Variants in DPP6 observed in about 807,000 individuals in gnomAD.
The protein encoded by DPP6 is dipeptidyl peptidase like 6.
A neutral mutation model predicts 122.6 loss-of-function variants in DPP6; 69 were observed. That is an observed-to-expected ratio of 0.56 (90% confidence interval 0.46 to 0.69). DPP6 has a LOEUF of 0.69. Among genes scored for constraint, DPP6 ranks in the 30% least tolerant of loss-of-function variants. The pLI is 0.00. For synonymous variants in DPP6, 418 were observed against 433.1 expected (o/e 0.97, Z 0.43); for missense variants, 928 against 1,116.9 (o/e 0.83, Z 2.41).
In DPP6 at chr7:154,877,712, G is replaced by C. The variant is rs962295014; in HGVS notation, c.2078+1612G>C. ...AGGAAAGTCTCCCCACAAGCAGACA[G>C]CAAACCTCTCCTTCCATCTCCCTGG... On this transcript the variant is annotated intron_variant, in intron 20 of 25. Coordinates refer to ENST00000377770, the MANE Select transcript of DPP6 (RefSeq NM_130797.4). The surrounding 1 kb of genome is among the most constrained non-coding windows in gnomAD (Gnocchi z 5.2). 1.3e-5 allele frequency among the ~76,000 whole-genome samples: 2 copies of C among 152,178 alleles called. No homozygotes were observed. Among genetic ancestry groups the C allele is most frequent in the East Asian group, 3.9e-4 (2 of 5,178 alleles).
intron 1 of DPP6, among the ~76,000 whole-genome samples, chr7:154,318,266 G>C (rs1398980855): frequency 6.6e-6 from 1 of 152,220 alleles, no homozygotes; most frequent in Non-Finnish European, 1.5e-5. Context: ...GTATATGAGA[G>C]TTGTTAATGA....
At chr7:153,994,203 G>A (rs1286673270) in intron 1 of DPP6, among the ~76,000 whole-genome samples, 5 of 151,508 alleles carry the variant, frequency 3.3e-5, no homozygotes, top group Non-Finnish European at 5.9e-5. Context: ...AGTCTCCAAA[G>A]AACAAAGCTA....
chr7:153,922,274 G>A (rs563577532), intron 1 of DPP6, among the ~76,000 whole-genome samples: 1 of 152,318 alleles, frequency 6.6e-6, no homozygotes, highest in Admixed American at 6.5e-5. Context: ...GCTGAGGCAG[G>A]CAGATTGCTT....
chr7:154,502,386 C>T (rs1020448063), intron 3 of DPP6, among the ~76,000 whole-genome samples: 1 of 152,154 alleles, frequency 6.6e-6, no homozygotes, highest in Non-Finnish European at 1.5e-5. Context: ...CAAATCTCAT[C>T]TTGAATTGTA....
chr7:153,944,045 G>A (rs750473304), intron 1 of DPP6, among the ~76,000 whole-genome samples: 1 of 152,148 alleles, frequency 6.6e-6, no homozygotes, highest in Non-Finnish European at 1.5e-5. Context: ...CATGGAAATC[G>A]GTCCAAGTAA....
At chr7:154,835,050 C>T (rs1015128295) in intron 16 of DPP6, among the ~76,000 whole-genome samples, 1 of 152,184 alleles carries the variant, frequency 6.6e-6, no homozygotes, top group African/African-American at 2.4e-5. Context: ...TCTGACATCA[C>T]CTTAGAGCAG....
the DPP6 span, among the ~76,000 whole-genome samples, chr7:153,827,570 G>A: frequency 6.6e-6 from 1 of 152,270 alleles, no homozygotes; most frequent in African/African-American, 2.4e-5. Context: ...CAAAACCCTA[G>A]TGTGTGCAAA....
At position 153,991,942 on chromosome 7, in the gene DPP6, T is replaced by C. The variant is rs571563225; in HGVS notation, c.51+104208T>C. ...ACAGAAATTTGTTTTCTCTCAGTCCTGGGGTCTGGAAAGTCTGAGGTCGAA... is the reference window on the plus strand; with the variant it reads ...ACAGAAATTTGTTTTCTCTCAGTCCCGGGGTCTGGAAAGTCTGAGGTCGAA... On this transcript the variant is annotated intron_variant, in intron 1 of 25. Coordinates refer to the DPP6 transcript ENST00000404039. 6.7e-3 allele frequency among the ~76,000 whole-genome samples: 1,026 copies of C among 152,076 alleles called. 9 individuals are homozygous for C. The highest frequency in any genetic ancestry group is 0.023 in the African/African-American group (960 of 41,468).
chr7:154,633,661 T>A (rs1025756420), intron 5 of DPP6, among the ~76,000 whole-genome samples: 2 of 152,378 alleles, frequency 1.3e-5, no homozygotes, highest in Non-Finnish European at 2.9e-5. Context: ...CCTTTCTAGA[T>A]AAAACATTGT....
chr7:154,198,572 C>T (rs1444013814), intron 1 of DPP6, among the ~76,000 whole-genome samples: 1 of 152,122 alleles, frequency 6.6e-6, no homozygotes, highest in Non-Finnish European at 1.5e-5. Flanking sequence ...CCTCGGCCAC[C>T]CAAAGTGCTG....
At chr7:154,219,174 G>A (rs1263674657) in intron 1 of DPP6, among the ~76,000 whole-genome samples, 2 of 152,176 alleles carry the variant, frequency 1.3e-5, no homozygotes, top group African/African-American at 4.8e-5. Context: ...TGAAGCCCTT[G>A]TCTGCCATCC....
intron 1 of DPP6, among the ~76,000 whole-genome samples, chr7:154,186,034 A>G (rs1798338228): frequency 1.3e-5 from 2 of 152,358 alleles, no homozygotes; most frequent in South Asian, 4.1e-4. Context: ...AAAACCAGCC[A>G]TATTTGGGTT....
chr7:153,853,010 C>G, the DPP6 span, among the ~76,000 whole-genome samples: 2 of 152,148 alleles, frequency 1.3e-5, no homozygotes, highest in Non-Finnish European at 2.9e-5. Flanking sequence ...CAACCCCAGC[C>G]ATTTGTACAC....
intron 7 of DPP6, among the ~76,000 whole-genome samples, chr7:154,672,990 G>A (rs953098023): frequency 2.0e-5 from 3 of 152,072 alleles, no homozygotes; most frequent in Non-Finnish European, 1.5e-5. Context: ...CCCTGTTTTA[G>A]GGGATCATAT....
At chr7:154,128,487 C>G (rs1169049189) in intron 1 of DPP6, among the ~76,000 whole-genome samples, 2 of 152,134 alleles carry the variant, frequency 1.3e-5, no homozygotes, top group Non-Finnish European at 2.9e-5. Context: ...CTGCAAGCTC[C>G]GCCTCCTGGG....
At chr7:154,836,222 G>A (rs991939239) in intron 16 of DPP6, among the ~76,000 whole-genome samples, 2 of 152,228 alleles carry the variant, frequency 1.3e-5, no homozygotes, top group African/African-American at 4.8e-5. Flanking sequence ...GCTTCACTTC[G>A]AAGATGCAGC....
At position 153,992,744 on chromosome 7, in the gene DPP6, A is replaced by G. The variant is rs141225724; in HGVS notation, c.51+105010A>G. Among the ~76,000 whole-genome samples the G allele has an allele frequency of 1.6e-4, 25 of 152,296 alleles. 1 individual carries two copies. In the East Asian group the frequency reaches 3.3e-3, roughly 20 times the overall value. ...TCCTCACCCTCTTCTCCTACATGCA[A>G]TTGACACTATGACTAAATGGGGTAC... On this transcript the variant is annotated intron_variant, in intron 1 of 25. Coordinates refer to the DPP6 transcript ENST00000404039.
chr7:154,213,784 G>A (rs1799857747), intron 1 of DPP6, among the ~76,000 whole-genome samples: 2 of 152,236 alleles, frequency 1.3e-5, no homozygotes, highest in Non-Finnish European at 2.9e-5. Context: ...AGCTGTGCCC[G>A]TCATGCGGTC....
At chr7:153,977,886 A>G (rs994086698) in intron 1 of DPP6, among the ~76,000 whole-genome samples, 2 of 152,012 alleles carry the variant, frequency 1.3e-5, no homozygotes, top group African/African-American at 4.8e-5. Context: ...ACACGAACTC[A>G]TTCTTTTTAT....
Sources: allele counts gnomAD v4.1 joint callset (sites outside exome capture counted in the v4.1 genomes callset), GRCh38; gene constraint gnomAD v4.1.1; non-coding constraint Gnocchi (gnomAD v3.1); transcripts MANE v1.5; gene names NCBI Gene and HGNC (gene_info 2026-07-23, HGNC 2026-07-21).